Variants in GMPR observed in about 807,000 individuals in gnomAD.
The protein encoded by GMPR is guanosine monophosphate reductase.
GMPR carries 31 observed loss-of-function variants against 38.4 expected under a neutral mutation model. The ratio of observed to expected loss-of-function variants is 0.81; its 90% CI spans 0.61 to 1.09. GMPR has a LOEUF of 1.09. Among genes scored for constraint, GMPR ranks in the 50% least tolerant of loss-of-function variants. The pLI is 0.00. For synonymous variants in GMPR, 162 were observed against 173.3 expected (o/e 0.93, Z 0.51); for missense variants, 468 against 453.7 (o/e 1.03, Z -0.29).
At chr6:16,267,180 G>A (rs112158038) in intron 4 of GMPR, among the ~76,000 whole-genome samples, 9,412 of 152,116 alleles carry the variant, frequency 0.062, 587 homozygotes, top group African/African-American at 0.16. Context: ...TGGCTAACAC[G>A]GTGAAACCCT....
chr6:16,275,502 G>C (rs1759456647), intron 5 of GMPR, among the ~76,000 whole-genome samples: 1 of 152,168 alleles, frequency 6.6e-6, no homozygotes, highest in Non-Finnish European at 1.5e-5. Flanking sequence ...CATACAGGGA[G>C]ATTTTCAAGG....
chr6:16,289,638 G>A (rs979820447), intron 7 of GMPR: 14 of 151,210 alleles, frequency 9.3e-5, no homozygotes, highest in African/African-American at 2.9e-4. Flanking sequence ...TGGAGTTTTA[G>A]ACGACTTCCA....
chr6:16,279,263 G>A (rs920461504), intron 6 of GMPR, among the ~76,000 whole-genome samples: 7 of 152,108 alleles, frequency 4.6e-5, no homozygotes, highest in South Asian at 2.1e-4. Flanking sequence ...CAGGGTGTTG[G>A]GGGGGGCATG....
intron 4 of GMPR, among the ~76,000 whole-genome samples, chr6:16,265,743 A>G (rs1759185762): frequency 6.6e-6 from 1 of 152,232 alleles, no homozygotes; most frequent in Admixed American, 6.5e-5. Flanking sequence ...AATCAGCAGG[A>G]TGTGGGCGGG....
chr6:16,289,103 G>A (rs1759766610), intron 7 of GMPR, among the ~76,000 whole-genome samples: 1 of 152,202 alleles, frequency 6.6e-6, no homozygotes, highest in Non-Finnish European at 1.5e-5. Context: ...AATAGATTCT[G>A]TTGCTGCTCG....
intron 5 of GMPR, among the ~76,000 whole-genome samples, chr6:16,274,820 C>G (rs1024866902): frequency 6.6e-6 from 1 of 151,902 alleles, no homozygotes; most frequent in Non-Finnish European, 1.5e-5. Flanking sequence ...CAGAGGAAGG[C>G]GATAGGTGAA....
At chr6:16,239,058 T>G (rs549630460) in intron 1 of GMPR, among the ~76,000 whole-genome samples, 39 of 152,150 alleles carry the variant, frequency 2.6e-4, no homozygotes, top group African/African-American at 8.9e-4. Context: ...CGAGATCCAG[T>G]GGCCAGTTGG....
intron 6 of GMPR, among the ~76,000 whole-genome samples, chr6:16,281,804 G>A (rs761728210): frequency 4.6e-5 from 7 of 152,160 alleles, no homozygotes; most frequent in Non-Finnish European, 8.8e-5. Flanking sequence ...CACCGTGCCC[G>A]GCCTCCGAGT....
chr6:16,275,773 A>G (rs1302312711), intron 5 of GMPR, among the ~76,000 whole-genome samples: 3 of 152,194 alleles, frequency 2.0e-5, no homozygotes, highest in African/African-American at 7.2e-5. Flanking sequence ...AATCAGAAAT[A>G]TGGGCCTGAT....
At chr6:16,240,452 T>G (rs1263859436) in intron 1 of GMPR, among the ~76,000 whole-genome samples, 1 of 152,154 alleles carries the variant, frequency 6.6e-6, no homozygotes, top group Non-Finnish European at 1.5e-5. Flanking sequence ...GAGGATGGCT[T>G]GAGCCCACGA....
chr6:16,289,474 A>G (rs1246108074), intron 7 of GMPR: 1 of 152,248 alleles, frequency 6.6e-6, no homozygotes, highest in African/African-American at 2.4e-5. Context: ...ATCAACATAG[A>G]ACCAGCCCTG....
At chr6:16,253,870 C>T (rs913557490) in intron 3 of GMPR, among the ~76,000 whole-genome samples, 1 of 152,114 alleles carries the variant, frequency 6.6e-6, no homozygotes, top group Admixed American at 6.6e-5. Context: ...TGCTTATTGT[C>T]CTCCCTTGAG....
chr6:16,260,964 G>A (rs373826777), intron 4 of GMPR, among the ~76,000 whole-genome samples: 10 of 152,004 alleles, frequency 6.6e-5, no homozygotes, highest in African/African-American at 2.4e-4. Flanking sequence ...AAGTATATGC[G>A]TCAGGTATGA....
chr6:16,240,907 T>A (rs1427374078), intron 1 of GMPR, among the ~76,000 whole-genome samples: 2 of 152,046 alleles, frequency 1.3e-5, no homozygotes, highest in African/African-American at 4.8e-5. Flanking sequence ...TCGGTTGCCG[T>A]GATGGTTTAG....
chr6:16,252,280 G>A (rs754351618), intron 3 of GMPR, among the ~76,000 whole-genome samples: 1 of 151,560 alleles, frequency 6.6e-6, no homozygotes, highest in African/African-American at 2.4e-5. Context: ...TTTGTTTGAG[G>A]CAGAGTTTTG....
Position 16,285,783 on chromosome 6 carries a change from C to T in GMPR, c.655-10C>T. On this transcript the variant is annotated splice_polypyrimidine_tract_variant and intron_variant, in intron 6 of 8. Coordinates refer to ENST00000259727, the MANE Select transcript of GMPR (RefSeq NM_006877.4). Reference sequence around the variant, plus strand: ...GATGATGTCCTGTCCTTGCTTTTTCCTCTGTGAAGGATGGAGGCTGTACGT... The same window carrying T: ...GATGATGTCCTGTCCTTGCTTTTTCTTCTGTGAAGGATGGAGGCTGTACGT... 1.9e-6 allele frequency: 3 copies of T among 1,612,714 alleles called. No individual in the cohort carries two copies. Among genetic ancestry groups the T allele is most frequent in the Non-Finnish European group, 2.5e-6 (3 of 1,179,056 alleles).
intron 3 of GMPR, among the ~76,000 whole-genome samples, chr6:16,253,782 GGT>G (rs1377714417): frequency 1.3e-5 from 2 of 152,224 alleles, no homozygotes; most frequent in African/African-American, 4.8e-5. Context: ...AGGTGCTCAG[GGT>G]GAAGGCCACA....
At chr6:16,267,253 T>C (rs1257567793) in intron 4 of GMPR, among the ~76,000 whole-genome samples, 2 of 152,006 alleles carry the variant, frequency 1.3e-5, no homozygotes, top group African/African-American at 4.8e-5. Flanking sequence ...GCGCCTGTAG[T>C]CCCAGCTACT....
chr6:16,264,167 G>A (rs528387612), intron 4 of GMPR, among the ~76,000 whole-genome samples: 8 of 151,958 alleles, frequency 5.3e-5, no homozygotes, highest in African/African-American at 9.7e-5. Context: ...GTCTGTGACC[G>A]GCGCCGGAGT....
Sources: allele counts gnomAD v4.1 joint callset (sites outside exome capture counted in the v4.1 genomes callset), GRCh38; gene constraint gnomAD v4.1.1; transcripts MANE v1.5; gene names NCBI Gene and HGNC (gene_info 2026-07-23, HGNC 2026-07-21).